Variants in FAM184A observed in about 807,000 individuals in gnomAD.
FAM184A encodes the protein family with sequence similarity 184 member A.
Under a neutral mutation model 143.8 loss-of-function variants are expected in FAM184A, and 99 were observed. The observed-to-expected ratio is 0.69, with a 90% CI of 0.58 to 0.81. The LOEUF (loss-of-function observed/expected upper bound fraction) is 0.81, where lower values mean the gene tolerates loss of function less well. Ranked by LOEUF, FAM184A falls within the 40% of genes least tolerant of loss-of-function variation. The pLI, the probability that FAM184A is intolerant of heterozygous loss-of-function variation, is 0.00. For synonymous variants in FAM184A, 427 were observed against 446.4 expected (o/e 0.96, Z 0.55); for missense variants, 1,217 against 1,310.5 (o/e 0.93, Z 1.10).
intron 9 of FAM184A, among the ~76,000 whole-genome samples, chr6:118,983,545 T>C (rs1317627204): frequency 2.6e-5 from 4 of 152,160 alleles, no homozygotes; most frequent in Non-Finnish European, 4.4e-5. Context: ...TTAGTTTCTA[T>C]ACATTCGTTA....
At chr6:119,068,483 C>T (rs557578999) in intron 1 of FAM184A, among the ~76,000 whole-genome samples, 6 of 152,310 alleles carry the variant, frequency 3.9e-5, no homozygotes, top group East Asian at 1.9e-4. Context: ...CTATGAAGTA[C>T]GCTTTGTCAT....
At chr6:119,039,862 C>A (rs928995705) in intron 1 of FAM184A, among the ~76,000 whole-genome samples, 20 of 152,154 alleles carry the variant, frequency 1.3e-4, no homozygotes, top group African/African-American at 4.8e-4. Context: ...CCTGGACATG[C>A]AGATTAAGAG....
chr6:119,126,426 T>C (rs568839980), intron 1 of FAM184A, among the ~76,000 whole-genome samples: 1 of 152,348 alleles, frequency 6.6e-6, no homozygotes, highest in Non-Finnish European at 1.5e-5. Context: ...CTGTGGGCAC[T>C]GGAGCTAGCT....
chr6:119,120,120 G>A (rs1410990780), intron 1 of FAM184A, among the ~76,000 whole-genome samples: 1 of 152,226 alleles, frequency 6.6e-6, no homozygotes, highest in African/African-American at 2.4e-5. Flanking sequence ...TCTAATTTTA[G>A]AAGGTTGCAT....
chr6:119,044,180 T>C (rs1389609099), intron 1 of FAM184A, among the ~76,000 whole-genome samples: 1 of 152,186 alleles, frequency 6.6e-6, no homozygotes, highest in African/African-American at 2.4e-5. Context: ...AGAGCAATTA[T>C]GCAAGAAAAA....
chr6:119,081,388 C>A (rs924522820), upstream of FAM184A, among the ~76,000 whole-genome samples: 1 of 152,156 alleles, frequency 6.6e-6, no homozygotes, highest in African/African-American at 2.4e-5. Context: ...CTGCTCAAAC[C>A]TCTAGGGGAG....
chr6:119,111,663 C>G (rs1408944033), intron 1 of FAM184A, among the ~76,000 whole-genome samples: 1 of 152,138 alleles, frequency 6.6e-6, no homozygotes, highest in Non-Finnish European at 1.5e-5. Context: ...AAAGAGGTGT[C>G]TTGTCTGTTG....
intron 9 of FAM184A, among the ~76,000 whole-genome samples, chr6:119,000,214 G>A (rs954494528): frequency 6.6e-6 from 1 of 152,200 alleles, no homozygotes; most frequent in Non-Finnish European, 1.5e-5. Flanking sequence ...AGGAACAAGT[G>A]ATGGCATTTT....
intron 1 of FAM184A, among the ~76,000 whole-genome samples, chr6:119,100,295 TG>T (rs1331608129): frequency 6.6e-6 from 1 of 152,138 alleles, no homozygotes; most frequent in Non-Finnish European, 1.5e-5. Flanking sequence ...TACAATGCAA[TG>T]TACAGGTTAC....
intron 1 of FAM184A, among the ~76,000 whole-genome samples, chr6:119,147,078 TG>T (rs1391633735): frequency 0.012 from 1,402 of 116,616 alleles, 58 homozygotes; most frequent in East Asian, 0.065. Context: ...TTTTTTTTTT[TG>T]TTTTTTTGTC....
Position 118,975,070 on chromosome 6 carries a change from C to T in FAM184A, c.2722G>A (p.Gly908Arg). The change falls in exon 13 of 18, where the codon GGG becomes AGG. Residue 908 changes from glycine (G) to arginine (R), a missense_variant. Physicochemically the swap from Gly to Arg is moderately radical, Grantham distance 125 (BLOSUM62 -2). Coordinates refer to ENST00000338891, the MANE Select transcript of FAM184A (RefSeq NM_024581.6). ...CTTCGTATTCTGAGAATTTCTTTCCCCTTAAATTCCAGTTCTTTGGTTAGG... is the reference window on the plus strand; with the variant it reads ...CTTCGTATTCTGAGAATTTCTTTCCTCTTAAATTCCAGTTCTTTGGTTAGG... ...SALTKELEFK[G>R]KEILRIRSES... is the part of the protein sequence containing the mutation. 6.2e-7 allele frequency: 1 copy of T among 1,613,110 alleles called. No homozygotes were observed. Among genetic ancestry groups the T allele is most frequent in the South Asian group, 1.1e-5 (1 of 90,966 alleles).
intron 1 of FAM184A, among the ~76,000 whole-genome samples, chr6:119,077,135 T>C (rs1787901823): frequency 6.6e-6 from 1 of 152,164 alleles, no homozygotes; most frequent in Non-Finnish European, 1.5e-5. Flanking sequence ...CTCTTCCGAA[T>C]CTCATGTCTT....
intron 1 of FAM184A, among the ~76,000 whole-genome samples, chr6:119,068,573 G>A (rs1015081111): frequency 6.6e-6 from 1 of 152,180 alleles, no homozygotes; most frequent in Non-Finnish European, 1.5e-5. Context: ...AAGTGGTGAA[G>A]GTGAACTTCA....
chr6:119,019,665 T>C (rs1400414885), intron 4 of FAM184A, among the ~76,000 whole-genome samples: 1 of 152,222 alleles, frequency 6.6e-6, no homozygotes, highest in African/African-American at 2.4e-5. Context: ...ATTTCATTAA[T>C]AGAAAACGAA....
intron 1 of FAM184A, among the ~76,000 whole-genome samples, chr6:119,036,530 G>T (rs1447239113): frequency 1.3e-5 from 2 of 152,016 alleles, no homozygotes; most frequent in African/African-American, 4.8e-5. Flanking sequence ...GTATCTTTGT[G>T]TATGGTAATG....
intron 1 of FAM184A, among the ~76,000 whole-genome samples, chr6:119,032,047 G>A (rs794257): frequency 0.46 from 70,260 of 151,866 alleles, 17,052 homozygotes; most frequent in Non-Finnish European, 0.53. Context: ...CTAGGTGGGC[G>A]GATTACCTGA....
chr6:119,116,877 A>T (rs962938338), intron 1 of FAM184A, among the ~76,000 whole-genome samples: 4 of 152,236 alleles, frequency 2.6e-5, no homozygotes, highest in African/African-American at 9.6e-5. Flanking sequence ...AGTAAGGGGC[A>T]TCTGGAGAGG....
intron 1 of FAM184A, among the ~76,000 whole-genome samples, chr6:119,040,381 C>G (rs746949746): frequency 6.6e-6 from 1 of 152,236 alleles, no homozygotes; most frequent in South Asian, 2.1e-4. Context: ...ATCTGACCCA[C>G]ATGCATGGCT....
chr6:119,016,118 T>A (rs2114671328), intron 5 of FAM184A, among the ~76,000 whole-genome samples: 1 of 152,254 alleles, frequency 6.6e-6, no homozygotes, highest in East Asian at 1.9e-4. Context: ...TGTAACTAAC[T>A]AATCTGATGG....
Sources: allele counts gnomAD v4.1 joint callset (sites outside exome capture counted in the v4.1 genomes callset), GRCh38; gene constraint gnomAD v4.1.1; transcripts MANE v1.5; gene names NCBI Gene and HGNC (gene_info 2026-07-23, HGNC 2026-07-21).